The following FERMT2 variants were observed in gnomAD, a reference collection of about 807,000 sequenced individuals.
FERMT2 encodes the protein FERM domain containing kindlin 2, also known as fermitin family homolog 2.
FERMT2 carries 15 observed loss-of-function variants against 82.7 expected under a neutral mutation model. The ratio of observed to expected loss-of-function variants is 0.18; its 90% CI spans 0.12 to 0.28. The LOEUF (loss-of-function observed/expected upper bound fraction) is 0.28. Ranked by LOEUF, FERMT2 falls within the 10% of genes least tolerant of loss-of-function variation. The probability of loss-of-function intolerance (pLI) is 1.00; values close to 1 mark genes in which losing one functional copy is unlikely to be tolerated. For missense variants in FERMT2, 645 were observed against 809.4 expected (o/e 0.80, Z 2.46); for synonymous variants, 274 against 271.5 (o/e 1.01, Z -0.09).
At chr14:52,889,286 AG>A (rs1430742337) in intron 4 of FERMT2, among the ~76,000 whole-genome samples, 1 of 152,238 alleles carries the variant, frequency 6.6e-6, no homozygotes, top group Non-Finnish European at 1.5e-5. Context: ...CTTTCTGAAA[AG>A]GATCTCTTAC....
chr14:52,919,137 A>G lies in FERMT2; in HGVS notation c.377T>C (p.Ile126Thr). The change falls in exon 3 of 15, where the codon ATC (isoleucine) becomes ACC (threonine). Residue 126 changes from isoleucine to threonine, a missense_variant. Ile to Thr is a moderately conservative substitution (Grantham distance 89). Coordinates refer to ENST00000341590, the MANE Select transcript of FERMT2 (RefSeq NM_006832.3). The stretch of plus-strand genomic sequence containing the variant: ...GTAATACTTACTAAAAGTCTTACAG[A>G]TGTCAGAAACAGCTTTGAAGACTCT... ...SDRVFKAVSD[I>T]CKTFNIRHPE... 1 of 1,608,318 alleles carries G rather than the reference A, an allele frequency of 6.2e-7. No individual in the cohort carries two copies. The highest frequency in any genetic ancestry group is 8.5e-7 in the Non-Finnish European group (1 of 1,174,916).
intron 2 of FERMT2, among the ~76,000 whole-genome samples, chr14:52,947,792 T>C (rs1045956032): frequency 6.6e-6 from 1 of 152,202 alleles, no homozygotes; most frequent in African/African-American, 2.4e-5. Context: ...GAAATTAAAG[T>C]GAAGAAGCCT....
intron 4 of FERMT2, among the ~76,000 whole-genome samples, chr14:52,886,293 C>G (rs72686377): frequency 0.01 from 835 of 82,018 alleles, 6 homozygotes; most frequent in African/African-American, 0.021. Context: ...GAGAGAGAGA[C>G]AGACAGAGTG....
intron 4 of FERMT2, among the ~76,000 whole-genome samples, chr14:52,891,789 T>C (rs549104606): frequency 6.6e-6 from 1 of 152,298 alleles, no homozygotes; most frequent in African/African-American, 2.4e-5. Context: ...GATGGAAATG[T>C]AGGAAACTGC....
At chr14:52,912,096 A>T (rs1047060936) in intron 3 of FERMT2, among the ~76,000 whole-genome samples, 1 of 151,756 alleles carries the variant, frequency 6.6e-6, no homozygotes, top group Non-Finnish European at 1.5e-5. Flanking sequence ...ATGAGAAGAC[A>T]TCTATCTATT....
chr14:52,904,072 A>G (rs1328961792), intron 3 of FERMT2, among the ~76,000 whole-genome samples: 1 of 152,272 alleles, frequency 6.6e-6, no homozygotes, highest in East Asian at 1.9e-4. Context: ...TGGAAAGCAA[A>G]GATGGGAAAA....
chr14:52,918,922 A>T (rs1313980702), intron 3 of FERMT2, among the ~76,000 whole-genome samples: 3 of 152,200 alleles, frequency 2.0e-5, no homozygotes, highest in Non-Finnish European at 4.4e-5. Context: ...TAAGGAAAGA[A>T]TCTCTACTAG....
At chr14:52,911,885 G>T (rs1411729677) in intron 3 of FERMT2, among the ~76,000 whole-genome samples, 1 of 151,854 alleles carries the variant, frequency 6.6e-6, no homozygotes, top group African/African-American at 2.4e-5. Flanking sequence ...TACTTTTGTA[G>T]CCAAACCTCA....
intron 2 of FERMT2, among the ~76,000 whole-genome samples, chr14:52,927,262 G>A (rs1889324927): frequency 6.6e-6 from 1 of 151,634 alleles, no homozygotes; most frequent in African/African-American, 2.4e-5. Flanking sequence ...CACTCCATGA[G>A]TCACCAAAAA....
At chr14:52,892,253 TGCCTCA>T (rs1446903703) in intron 4 of FERMT2, among the ~76,000 whole-genome samples, 1 of 147,968 alleles carries the variant, frequency 6.8e-6, no homozygotes, top group Non-Finnish European at 1.5e-5. Context: ...GCAATTCTCC[TGCCTCA>T]GCCTCCCAAG....
intron 2 of FERMT2, among the ~76,000 whole-genome samples, chr14:52,945,885 C>G (rs112131735): frequency 6.6e-6 from 1 of 152,304 alleles, no homozygotes; most frequent in East Asian, 1.9e-4. Context: ...TACTAAAACT[C>G]AGTGAACAGA....
intron 2 of FERMT2, among the ~76,000 whole-genome samples, chr14:52,939,156 A>G (rs1270501263): frequency 1.4e-5 from 2 of 146,918 alleles, no homozygotes; most frequent in African/African-American, 2.5e-5. Flanking sequence ...GGAATTCAAG[A>G]CCAGCCTGGC....
chr14:52,882,833 C>G (rs576112435), intron 4 of FERMT2, among the ~76,000 whole-genome samples: 3 of 152,014 alleles, frequency 2.0e-5, no homozygotes, highest in African/African-American at 7.2e-5. Context: ...TATGTAATCT[C>G]TTGCTGGACA....
chr14:52,866,712 T>C (rs72686369), intron 10 of FERMT2, among the ~76,000 whole-genome samples: 1 of 152,294 alleles, frequency 6.6e-6, no homozygotes, highest in Non-Finnish European at 1.5e-5. Flanking sequence ...TTCTCAGACA[T>C]CCTACAATGT....
chr14:52,877,351 G>A (rs1886020246), intron 7 of FERMT2, among the ~76,000 whole-genome samples: 1 of 152,028 alleles, frequency 6.6e-6, no homozygotes, highest in African/African-American at 2.4e-5. Context: ...CCATAACCAC[G>A]TGAGGGGACT....
intron 12 of FERMT2, chr14:52,861,050 C>G: frequency 6.8e-7 from 1 of 1,474,162 alleles, no homozygotes; most frequent in South Asian, 1.5e-5. Flanking sequence ...GATGGCAATG[C>G]GAGGAAAGAA....
At chr14:52,860,246 T>G (rs879920952) in intron 13 of FERMT2, 95 bp downstream of exon 13, 1 of 1,030,958 alleles carries the variant, frequency 9.7e-7, no homozygotes, top group Non-Finnish European at 1.4e-6. Context: ...TGGGTCTACA[T>G]AGGTATGCTT....
rs79654482 is a variant in FERMT2 at position 52,904,017 on chromosome 14, A to G, written c.392-10590T>C. Among the ~76,000 whole-genome samples, 472 of 152,380 alleles carry G rather than the reference A, an allele frequency of 3.1e-3. 3 individuals carry two copies. Among genetic ancestry groups the G allele is most frequent in the African/African-American group, 0.011 (452 of 41,588 alleles). ...GAAAGTAAACGAATCAGCAACAAAT[A>G]TATGTTGCAAAAGCAGCAAATGATA... On this transcript the variant is annotated intron_variant, in intron 3 of 14. Coordinates refer to ENST00000341590, the MANE Select transcript of FERMT2 (RefSeq NM_006832.3).
At chr14:52,920,616 G>A (rs1328490026) in intron 2 of FERMT2, among the ~76,000 whole-genome samples, 1 of 151,944 alleles carries the variant, frequency 6.6e-6, no homozygotes, top group East Asian at 1.9e-4. Context: ...CTGGGCAAGG[G>A]AGCGAGACTC....
Sources: allele counts gnomAD v4.1 joint callset (sites outside exome capture counted in the v4.1 genomes callset), GRCh38; gene constraint gnomAD v4.1.1; transcripts MANE v1.5; gene names NCBI Gene and HGNC (gene_info 2026-07-23, HGNC 2026-07-21).